The following SCHIP1 variants were observed in gnomAD, a reference collection of about 807,000 sequenced individuals.
SCHIP1 encodes the protein schwannomin-interacting protein 1.
SCHIP1 carries 8 observed loss-of-function variants against 29.7 expected under a neutral mutation model. That is an observed-to-expected ratio of 0.27 (90% confidence interval 0.16 to 0.49). SCHIP1 has a LOEUF of 0.49. Ranked by LOEUF, SCHIP1 falls within the 20% of genes least tolerant of loss-of-function variation. The pLI, the probability that SCHIP1 is intolerant of heterozygous loss-of-function variation, is 0.99. For missense variants in SCHIP1, 193 were observed against 294.6 expected (o/e 0.66, Z 2.52); for synonymous variants, 76 against 94.9 (o/e 0.80, Z 1.16).
At chr3:159,354,610 G>T in the SCHIP1 span, among the ~76,000 whole-genome samples, 1 of 152,158 alleles carries the variant, frequency 6.6e-6, no homozygotes, top group African/African-American at 2.4e-5. Flanking sequence ...GAGTATGGGT[G>T]AAAATGGCTG....
At chr3:159,286,567 A>G in the SCHIP1 span, among the ~76,000 whole-genome samples, 1 of 152,134 alleles carries the variant, frequency 6.6e-6, no homozygotes, top group African/African-American at 2.4e-5. Flanking sequence ...AGAATGATTT[A>G]TATTCCTTTG....
chr3:159,730,890 C>G, the SCHIP1 span, among the ~76,000 whole-genome samples: 1 of 152,136 alleles, frequency 6.6e-6, no homozygotes, highest in Non-Finnish European at 1.5e-5. Flanking sequence ...ACCCAGGGTT[C>G]CATTCAGTTG....
the SCHIP1 span, among the ~76,000 whole-genome samples, chr3:159,458,564 C>CT: frequency 0.37 from 53,242 of 143,786 alleles, 9,742 homozygotes; most frequent in South Asian, 0.49. Flanking sequence ...ACTGACTTTT[C>CT]TTTTTTTTTT....
chr3:159,498,825 A>G, the SCHIP1 span, among the ~76,000 whole-genome samples: 1 of 152,236 alleles, frequency 6.6e-6, no homozygotes, highest in South Asian at 2.1e-4. Context: ...CTTAGATGTC[A>G]TTGATTGCAA....
the SCHIP1 span, among the ~76,000 whole-genome samples, chr3:159,404,227 G>T: frequency 6.6e-6 from 1 of 152,128 alleles, no homozygotes; most frequent in Admixed American, 6.5e-5. Context: ...CTACAGGAAA[G>T]GAATCCTTCT....
the SCHIP1 span, among the ~76,000 whole-genome samples, chr3:159,321,305 C>A: frequency 6.6e-6 from 1 of 152,210 alleles, no homozygotes; most frequent in Non-Finnish European, 1.5e-5. Flanking sequence ...TCCTCTCCCT[C>A]ATGTATTCAT....
At chr3:159,629,975 A>T in the SCHIP1 span, among the ~76,000 whole-genome samples, 1 of 152,176 alleles carries the variant, frequency 6.6e-6, no homozygotes, top group Non-Finnish European at 1.5e-5. Flanking sequence ...CTCTGTTCTA[A>T]AAGTCAGGGA....
At chr3:159,428,307 G>A in the SCHIP1 span, among the ~76,000 whole-genome samples, 1 of 151,772 alleles carries the variant, frequency 6.6e-6, no homozygotes, top group South Asian at 2.1e-4. Flanking sequence ...CTGACAAAGG[G>A]CTAATATCCA....
At chr3:159,472,866 G>A in the SCHIP1 span, among the ~76,000 whole-genome samples, 2 of 152,168 alleles carry the variant, frequency 1.3e-5, no homozygotes, top group Non-Finnish European at 2.9e-5. Flanking sequence ...AAGATTCAGT[G>A]GAAGAATCAC....
the SCHIP1 span, among the ~76,000 whole-genome samples, chr3:159,719,180 A>G: frequency 6.6e-6 from 1 of 152,258 alleles, no homozygotes; most frequent in Admixed American, 6.5e-5. Context: ...GGCTAGCCAT[A>G]TGTAGAAAGC....
chr3:159,392,760 C>T, the SCHIP1 span, among the ~76,000 whole-genome samples: 1 of 151,988 alleles, frequency 6.6e-6, no homozygotes, highest in Non-Finnish European at 1.5e-5. Flanking sequence ...GTGAATAGAG[C>T]CGCAATAAAC....
chr3:159,469,104 C>T, the SCHIP1 span, among the ~76,000 whole-genome samples: 1 of 151,992 alleles, frequency 6.6e-6, no homozygotes, highest in African/African-American at 2.4e-5. Context: ...GAATTATCAA[C>T]AACTGTGGTC....
chr3:159,519,577 A>C, the SCHIP1 span, among the ~76,000 whole-genome samples: 1 of 152,338 alleles, frequency 6.6e-6, no homozygotes, highest in African/African-American at 2.4e-5. Context: ...AGATTGCAGA[A>C]GATTCACTTT....
At chr3:159,528,865 G>A in the SCHIP1 span, among the ~76,000 whole-genome samples, 1 of 152,140 alleles carries the variant, frequency 6.6e-6, no homozygotes, top group Non-Finnish European at 1.5e-5. Context: ...ATGAAAAGTA[G>A]AACCTGCAAT....
the SCHIP1 span, among the ~76,000 whole-genome samples, chr3:159,396,959 A>T: frequency 7.0e-6 from 1 of 142,428 alleles, no homozygotes; most frequent in Non-Finnish European, 1.6e-5. Flanking sequence ...CAGGTACAGC[A>T]ATCAGACGTA....
At chr3:159,728,388 C>T in the SCHIP1 span, among the ~76,000 whole-genome samples, 1 of 152,170 alleles carries the variant, frequency 6.6e-6, no homozygotes, top group East Asian at 1.9e-4. Flanking sequence ...GGCAGGCAAC[C>T]AGCTTCACAG....
chr3:159,324,563 G>A, the SCHIP1 span, among the ~76,000 whole-genome samples: 2 of 152,006 alleles, frequency 1.3e-5, no homozygotes, highest in African/African-American at 4.8e-5. Flanking sequence ...GTGCTCCCAG[G>A]CCAGGGAAGT....
At chr3:159,387,338 G>A in the SCHIP1 span, 3 of 374,474 alleles carry the variant, frequency 8.0e-6, no homozygotes, top group Non-Finnish European at 1.6e-5. Context: ...GCATTTTTAT[G>A]GGCAGGGAGA....
chr3:159,635,635 A>G, the SCHIP1 span, among the ~76,000 whole-genome samples: 40 of 152,272 alleles, frequency 2.6e-4, no homozygotes, highest in African/African-American at 9.6e-4. Context: ...ATGAATGACA[A>G]ATTATTTCTC....
Sources: gnomAD v4.1 joint callset for allele counts (sites outside exome capture counted in the v4.1 genomes callset) on GRCh38, gnomAD v4.1.1 for gene constraint, MANE v1.5 for transcripts, NCBI Gene and HGNC (gene_info 2026-07-23, HGNC 2026-07-21) for gene names.